The following CFAP299 variants were observed in gnomAD, a reference collection of about 807,000 sequenced individuals.
CFAP299 encodes cilia and flagella associated protein 299.
Under a neutral mutation model 27.0 loss-of-function variants are expected in CFAP299, and 21 were observed. That is an observed-to-expected ratio of 0.78 (90% CI 0.55 to 1.12). The LOEUF is 1.12. Ranked by LOEUF, CFAP299 falls within the 50% of genes most tolerant of loss-of-function variation. The pLI, the probability that CFAP299 is intolerant of heterozygous loss-of-function variation, is 0.00. For synonymous variants in CFAP299, 104 were observed against 98.1 expected, an observed-to-expected ratio of 1.06 and a Z score of -0.36; for missense variants, 310 against 276.6, an observed-to-expected ratio of 1.12 and a Z score of -0.86.
At chr4:80,866,061 ATAT>A in intron 3 of CFAP299, among the ~76,000 whole-genome samples, 1 of 47,246 alleles carries the variant, frequency 2.1e-5, no homozygotes, top group South Asian at 9.0e-4. Context: ...TTAAAGTATT[ATAT>A]ATATATATAT....
At chr4:80,332,827 C>G (rs539683391), upstream of CFAP299, among the ~76,000 whole-genome samples, 1 of 152,226 alleles carries the variant, frequency 6.6e-6, no homozygotes, top group South Asian at 2.1e-4. Context: ...ATTGTTTGCC[C>G]ACTCAGGGGG....
rs115253161 is a variant in CFAP299 at position 80,593,100 on chromosome 4, G to C, written c.333+9917G>C. ...GGGAGAAGAATATATTTTACAGCTGGGTCTTCACAGGGTTGTTCTGTGTAT... is the reference window on the plus strand; with the variant it reads ...GGGAGAAGAATATATTTTACAGCTGCGTCTTCACAGGGTTGTTCTGTGTAT... On this transcript the variant is annotated intron_variant, in intron 3 of 5. Transcript: ENST00000358105. Among the ~76,000 whole-genome samples, 1,038 of 152,170 alleles carry C rather than the reference G, an allele frequency of 6.8e-3. 13 individuals are homozygous for C. The highest frequency in any genetic ancestry group is 0.024 in the African/African-American group (997 of 41,534).
chr4:80,469,137 C>A (rs1456919918), intron 2 of CFAP299, among the ~76,000 whole-genome samples: 1 of 152,132 alleles, frequency 6.6e-6, no homozygotes, highest in African/African-American at 2.4e-5. Context: ...ATCAGCATCA[C>A]CTGGGAATTT....
chr4:80,382,957 A>G lies in CFAP299; in HGVS notation c.242+20073A>G, dbSNP rs145891969. ...AATGCCCATCAATGACAGACTGGAT[A>G]AAGAAAATGTGGTACATATACATCA... On this transcript the variant is annotated intron_variant, in intron 2 of 5. Coordinates refer to ENST00000358105, the MANE Select transcript of CFAP299 (RefSeq NM_152770.3). Among the ~76,000 whole-genome samples the G allele has an allele frequency of 6.5e-3, 984 of 152,326 alleles. 17 individuals carry two copies. The highest frequency in any genetic ancestry group is 0.023 in the African/African-American group (941 of 41,582).
intron 3 of CFAP299, among the ~76,000 whole-genome samples, chr4:80,624,309 G>A (rs1269264347): frequency 6.6e-6 from 1 of 151,722 alleles, no homozygotes; most frequent in African/African-American, 2.4e-5. Flanking sequence ...AAAAAAATAA[G>A]TAAAAAGCAA....
At chr4:80,655,585 A>G (rs2109974950) in intron 3 of CFAP299, among the ~76,000 whole-genome samples, 1 of 152,182 alleles carries the variant, frequency 6.6e-6, no homozygotes, top group Middle Eastern at 3.4e-3. Flanking sequence ...GTATGGGAAT[A>G]TGTTTCTTTT....
intron 2 of CFAP299, chr4:80,387,082 T>C (rs1246483415): frequency 1.4e-6 from 2 of 1,442,848 alleles, no homozygotes; most frequent in Non-Finnish European, 1.9e-6. Context: ...TGAGTGGCGG[T>C]CTGCAGGTGA....
rs1728203088 is a variant in CFAP299 at position 80,799,678 on chromosome 4, T to TTTTATATA, written c.334-70313_334-70312insTATATATT. ...ATATATTATATTTTATAAATATATATTTATAAATATATAATATATAAAATA... is the reference window on the plus strand; with the variant it reads ...ATATATTATATTTTATAAATATATATTTTATATATTATAAATATATAATATATAAAATA... On this transcript the variant is annotated intron_variant, in intron 3 of 5. Transcript: ENST00000358105. Among the ~76,000 whole-genome samples, 3 of 25,332 alleles carry TTTTATATA rather than the reference T, an allele frequency of 1.2e-4. 1 individual carries two copies. The highest frequency in any genetic ancestry group is 1.8e-4 in the Non-Finnish European group (3 of 16,590). The allele number at this position is 25,332 out of a possible 152,430, so 16.6% of individuals were successfully genotyped here.
rs532103180 is a variant in CFAP299 at position 80,670,269 on chromosome 4, C to T, written c.333+87086C>T. ...TTTTCTATCCTTCTGGTAGTATGCT[C>T]AGAATGATGATTTCCAGGTTCACCC... On this transcript the variant is annotated intron_variant, in intron 3 of 5. Coordinates refer to ENST00000358105, the MANE Select transcript of CFAP299 (RefSeq NM_152770.3). Among the ~76,000 whole-genome samples, 32 of 152,008 alleles carry T rather than the reference C, an allele frequency of 2.1e-4. No homozygotes were observed. The South Asian group carries it at 6.2e-3, about 30-fold the overall frequency.
At chr4:80,437,069 T>C (rs1728124549) in intron 2 of CFAP299, among the ~76,000 whole-genome samples, 1 of 152,212 alleles carries the variant, frequency 6.6e-6, no homozygotes. Context: ...AGCCAGGGTA[T>C]CGATATTGCT....
intron 2 of CFAP299, among the ~76,000 whole-genome samples, chr4:80,414,786 A>T (rs752659598): frequency 6.6e-6 from 1 of 152,212 alleles, no homozygotes; most frequent in Non-Finnish European, 1.5e-5. Context: ...CAACATCCAC[A>T]TGGAAGTACT....
intron 3 of CFAP299, among the ~76,000 whole-genome samples, chr4:80,848,535 T>A (rs1165311126): frequency 6.6e-6 from 1 of 152,030 alleles, no homozygotes; most frequent in Non-Finnish European, 1.5e-5. Context: ...TGGGCAACTG[T>A]GGTGGGAGGG....
chr4:80,706,587 G>T (rs771354801), intron 3 of CFAP299, among the ~76,000 whole-genome samples: 1 of 151,838 alleles, frequency 6.6e-6, no homozygotes, highest in Non-Finnish European at 1.5e-5. Flanking sequence ...TTAAAATTTT[G>T]TAGATACATT....
intron 2 of CFAP299, among the ~76,000 whole-genome samples, chr4:80,525,801 C>T (rs959961240): frequency 3.3e-5 from 5 of 152,088 alleles, no homozygotes; most frequent in Admixed American, 6.6e-5. Flanking sequence ...TTTTTGATAT[C>T]TCTGAATATA....
chr4:80,953,493 G>T (rs1039978365), intron 5 of CFAP299, among the ~76,000 whole-genome samples: 5 of 152,130 alleles, frequency 3.3e-5, no homozygotes, highest in African/African-American at 1.2e-4. Context: ...ACTAACTACT[G>T]CTAAAATCAA....
At chr4:80,372,739 A>G (rs1471943057) in intron 2 of CFAP299, among the ~76,000 whole-genome samples, 1 of 152,224 alleles carries the variant, frequency 6.6e-6, no homozygotes, top group Non-Finnish European at 1.5e-5. Context: ...TGATGGAATC[A>G]ATCAATGTGA....
intron 3 of CFAP299, among the ~76,000 whole-genome samples, chr4:80,781,776 A>C (rs1726893647): frequency 6.6e-6 from 1 of 151,994 alleles, no homozygotes; most frequent in African/African-American, 2.4e-5. Context: ...TTTAGGATAA[A>C]GGAAGTGGAA....
intron 2 of CFAP299, among the ~76,000 whole-genome samples, chr4:80,444,821 C>T (rs1408301513): frequency 6.6e-6 from 1 of 151,940 alleles, no homozygotes; most frequent in Non-Finnish European, 1.5e-5. Flanking sequence ...GGAACTTAAA[C>T]AAATTTACAA....
chr4:80,465,548 T>A (rs542259701), intron 2 of CFAP299, among the ~76,000 whole-genome samples: 29 of 152,260 alleles, frequency 1.9e-4, no homozygotes, highest in African/African-American at 6.5e-4. Flanking sequence ...TGCTACAACT[T>A]CCTATATTCT....
Sources: allele counts gnomAD v4.1 joint callset (sites outside exome capture counted in the v4.1 genomes callset), GRCh38; gene constraint gnomAD v4.1.1; transcripts MANE v1.5; gene names NCBI Gene and HGNC (gene_info 2026-07-23, HGNC 2026-07-21).